Variants in PPP1R9A observed in about 807,000 individuals in gnomAD.
PPP1R9A encodes neurabin-1.
Under a neutral mutation model 141.9 loss-of-function variants are expected in PPP1R9A, and 59 were observed. That is an observed-to-expected ratio of 0.42 (90% CI 0.34 to 0.52). The LOEUF (loss-of-function observed/expected upper bound fraction) is 0.52, where lower values mean the gene tolerates loss of function less well. PPP1R9A is among the 20% of genes least tolerant of loss of function. PPP1R9A has a pLI of 0.10. For synonymous variants in PPP1R9A, 500 were observed against 569.7 expected (o/e 0.88, Z 1.74); for missense variants, 1,444 against 1,611.9 (o/e 0.90, Z 1.78).
intron 2 of PPP1R9A, among the ~76,000 whole-genome samples, chr7:95,071,640 A>T (rs1813828068): frequency 6.6e-6 from 1 of 152,008 alleles, no homozygotes; most frequent in Non-Finnish European, 1.5e-5. Context: ...ATAGCTGATT[A>T]TCTAGTAGTT....
rs769899851 is a variant in PPP1R9A, at chr7:95,198,478, T to C, written c.1884T>C (p.Asp628=). Residue 628 remains aspartate, a synonymous_variant, in exon 6 of 20, where the codon GAT becomes GAC. Transcript: ENST00000433360. Reference sequence around the variant, plus strand: ...ACTATGCCCAGTATGATGCCGACGATGACGAGGTCAGTAGTGCTTGCAAAG... The same window carrying C: ...ACTATGCCCAGTATGATGCCGACGACGACGAGGTCAGTAGTGCTTGCAAAG... ...EQHYAQYDAD[D]DENTVAELQG... 1 of 1,588,022 alleles carries C rather than the reference T, an allele frequency of 6.3e-7. No individual in the cohort carries two copies. Among genetic ancestry groups the C allele is most frequent in the South Asian group, 1.2e-5 (1 of 86,696 alleles).
intron 2 of PPP1R9A, among the ~76,000 whole-genome samples, chr7:95,001,310 A>G (rs1802888383): frequency 6.6e-6 from 1 of 152,194 alleles, no homozygotes; most frequent in South Asian, 2.1e-4. Context: ...ACAAACAACA[A>G]TAGCAAAAAA....
At chr7:95,144,360 G>A (rs975935082) in intron 4 of PPP1R9A, among the ~76,000 whole-genome samples, 69 of 152,148 alleles carry the variant, frequency 4.5e-4, no homozygotes, top group African/African-American at 1.4e-3. Flanking sequence ...TCATGTGTGC[G>A]TGTGTAAAAT....
chr7:95,061,130 T>G (rs1812173752), intron 2 of PPP1R9A, among the ~76,000 whole-genome samples: 1 of 152,200 alleles, frequency 6.6e-6, no homozygotes, highest in African/African-American at 2.4e-5. Flanking sequence ...GAAAATCATT[T>G]GTGTTATAAG....
intron 2 of PPP1R9A, among the ~76,000 whole-genome samples, chr7:95,074,310 A>G (rs937218743): frequency 6.6e-6 from 1 of 152,124 alleles, no homozygotes; most frequent in African/African-American, 2.4e-5. Flanking sequence ...TTGATCCCCC[A>G]TTACAAGCCA....
At chr7:95,083,496 TCCAAGGTG>T (rs1816207644) in intron 2 of PPP1R9A, among the ~76,000 whole-genome samples, 1 of 151,814 alleles carries the variant, frequency 6.6e-6, no homozygotes, top group African/African-American at 2.4e-5. Flanking sequence ...TTCCTCAACT[TCCAAGGTG>T]CCATATTTTG....
intron 12 of PPP1R9A, among the ~76,000 whole-genome samples, chr7:95,254,818 A>C (rs929304956): frequency 2.0e-5 from 3 of 152,204 alleles, no homozygotes; most frequent in African/African-American, 4.8e-5. Context: ...TAAATTTTTG[A>C]GGAGTAAAAC....
At chr7:95,112,626 T>A (rs1820767337) in intron 3 of PPP1R9A, among the ~76,000 whole-genome samples, 1 of 152,112 alleles carries the variant, frequency 6.6e-6, no homozygotes, top group South Asian at 2.1e-4. Flanking sequence ...CAGAATACTA[T>A]CCAATGGAAA....
chr7:94,982,230 G>C (rs1284558257), intron 2 of PPP1R9A, among the ~76,000 whole-genome samples: 2 of 152,112 alleles, frequency 1.3e-5, no homozygotes, highest in African/African-American at 2.4e-5. Flanking sequence ...ATCATTGATG[G>C]ACATTTGGGT....
At chr7:95,271,079 T>A (rs1472354737) in intron 14 of PPP1R9A, among the ~76,000 whole-genome samples, 2 of 152,166 alleles carry the variant, frequency 1.3e-5, no homozygotes, top group Non-Finnish European at 2.9e-5. Flanking sequence ...GGTAAAGTGA[T>A]GTCATTAACA....
At chr7:95,082,455 A>G (rs1403177528) in intron 2 of PPP1R9A, among the ~76,000 whole-genome samples, 1 of 150,562 alleles carries the variant, frequency 6.6e-6, no homozygotes, top group Non-Finnish European at 1.5e-5. Flanking sequence ...TGTAGAGGGT[A>G]GAGACCTGGT....
chr7:94,921,290 CA>C (rs1173026283), intron 2 of PPP1R9A, among the ~76,000 whole-genome samples: 3 of 151,514 alleles, frequency 2.0e-5, no homozygotes, highest in African/African-American at 7.3e-5. Context: ...ACTAAAAATA[CA>C]AAAAAATTAG....
At chr7:95,266,008 T>C (rs1171403385) in intron 12 of PPP1R9A, among the ~76,000 whole-genome samples, 1 of 152,166 alleles carries the variant, frequency 6.6e-6, no homozygotes, top group Non-Finnish European at 1.5e-5. Context: ...GGCAAATTAT[T>C]GAATAGTAAT....
chr7:95,147,027 A>G (rs753054801), intron 4 of PPP1R9A, among the ~76,000 whole-genome samples: 6 of 152,180 alleles, frequency 3.9e-5, no homozygotes, highest in African/African-American at 1.2e-4. Flanking sequence ...TTCAAATTCT[A>G]TGAAGAAAGT....
At chr7:95,250,373 C>T (rs1798704716) in intron 10 of PPP1R9A, 118 bp downstream of exon 10, 1 of 880,030 alleles carries the variant, frequency 1.1e-6, no homozygotes, top group Non-Finnish European at 1.7e-6. Flanking sequence ...CTTTCCTATC[C>T]AGGAGCATAG....
intron 7 of PPP1R9A, among the ~76,000 whole-genome samples, chr7:95,206,858 T>C (rs1790911805): frequency 6.6e-6 from 1 of 152,168 alleles, no homozygotes; most frequent in Admixed American, 6.6e-5. Flanking sequence ...CCACCTGATA[T>C]GGGATGCCTA....
intron 2 of PPP1R9A, among the ~76,000 whole-genome samples, chr7:95,052,984 G>C (rs567475911): frequency 1.3e-5 from 2 of 152,264 alleles, no homozygotes; most frequent in South Asian, 4.1e-4. Flanking sequence ...TTCTCTGCAT[G>C]CCTCTAGTCT....
chr7:94,985,655 T>C (rs951817025), intron 2 of PPP1R9A, among the ~76,000 whole-genome samples: 3 of 152,094 alleles, frequency 2.0e-5, no homozygotes, highest in African/African-American at 7.2e-5. Context: ...CTCCTGCTTT[T>C]ATTTTTTTTT....
At chr7:95,062,239 A>G (rs1398556810) in intron 2 of PPP1R9A, among the ~76,000 whole-genome samples, 3 of 152,090 alleles carry the variant, frequency 2.0e-5, no homozygotes, top group Admixed American at 2.0e-4. Context: ...CAGTGTCTTC[A>G]GATTCACACT....
Sources: gnomAD v4.1 joint callset for allele counts (sites outside exome capture counted in the v4.1 genomes callset) on GRCh38, gnomAD v4.1.1 for gene constraint, MANE v1.5 for transcripts, NCBI Gene and HGNC (gene_info 2026-07-23, HGNC 2026-07-21) for gene names.